DIAPH2: variants seen among roughly 807,000 people sequenced by gnomAD.
The protein encoded by DIAPH2 is protein diaphanous homolog 2.
In DIAPH2, 35 loss-of-function variants were observed where a neutral mutation model predicts 92.7. That is an observed-to-expected ratio of 0.38 (90% confidence interval 0.29 to 0.50). The LOEUF (loss-of-function observed/expected upper bound fraction) is 0.50, where lower values mean the gene tolerates loss of function less well. Among genes scored for constraint, DIAPH2 ranks in the 20% least tolerant of loss-of-function variants. The probability of loss-of-function intolerance (pLI) is 0.94; values close to 1 mark genes in which losing one functional copy is unlikely to be tolerated. For missense variants in DIAPH2, 701 were observed against 819.5 expected, an observed-to-expected ratio of 0.86 and a Z score of 1.77; for synonymous variants, 301 against 280.4, an observed-to-expected ratio of 1.07 and a Z score of -0.73.
intron 24 of DIAPH2, among the ~76,000 whole-genome samples, chrX:97,379,553 A>T (rs142398285): frequency 1.5e-3 from 171 of 112,339 alleles, no homozygotes; most frequent in Non-Finnish European, 2.6e-3. Flanking sequence ...AGATGAACTA[A>T]CTTGTTCAAG....
At chrX:97,385,921 T>G (rs191505747) in intron 25 of DIAPH2, among the ~76,000 whole-genome samples, 1 of 112,127 alleles carries the variant, frequency 8.9e-6, no homozygotes, top group Non-Finnish European at 1.9e-5. Context: ...ACAATGATAG[T>G]GAGAGGTAGA....
chrX:97,470,705 A>AC (rs2070555094), intron 26 of DIAPH2, among the ~76,000 whole-genome samples: 1 of 110,164 alleles, frequency 9.1e-6, no homozygotes, highest in African/African-American at 3.3e-5. Flanking sequence ...AAAAAAAAAA[A>AC]AACAACCACG....
rs1304408577 is a variant in DIAPH2 at position 97,599,972 on chromosome X, CT to C, written c.*657del. The C allele has an allele frequency of 1.8e-5, 2 of 112,582 alleles. No homozygotes were observed. The highest frequency in any genetic ancestry group is 3.8e-5 in the Non-Finnish European group (2 of 53,222). 9.3% of individuals were successfully genotyped at this position (112,582 alleles called of 1,213,427 possible). The stretch of plus-strand genomic sequence containing the variant: ...GCATTTCAGCATGATATTGCAAGCA[CT>C]TCTCATTGCTAAAAATAAATAAACC... On this transcript the variant is annotated 3_prime_UTR_variant, in exon 27 of 27. Transcript: ENST00000324765.
At chrX:97,545,981 CA>C (rs1302742290) in intron 26 of DIAPH2, among the ~76,000 whole-genome samples, 8 of 110,989 alleles carry the variant, frequency 7.2e-5, no homozygotes, top group Non-Finnish European at 1.1e-4. Context: ...TGGGGAAAAT[CA>C]ACTTTCATTC....
chrX:97,576,220 A>G (rs1327003288), intron 26 of DIAPH2, among the ~76,000 whole-genome samples: 1 of 111,490 alleles, frequency 9.0e-6, no homozygotes, highest in Non-Finnish European at 1.9e-5. Context: ...TGGCCCTCTG[A>G]CATCAAAAGG....
At chrX:97,568,145 G>A (rs1490347550) in intron 26 of DIAPH2, among the ~76,000 whole-genome samples, 1 of 102,603 alleles carries the variant, frequency 9.7e-6, no homozygotes, top group Non-Finnish European at 2.0e-5. Flanking sequence ...AAAAAGAGTG[G>A]TTGGAAATTT....
intron 24 of DIAPH2, among the ~76,000 whole-genome samples, chrX:97,367,702 CTT>C (rs200267248): frequency 1.3e-4 from 13 of 97,088 alleles, no homozygotes; most frequent in African/African-American, 7.4e-5. Flanking sequence ...GGTAAAATAT[CTT>C]TTTTTTTTTT....
chrX:97,046,253 G>A (rs899384245), intron 17 of DIAPH2, among the ~76,000 whole-genome samples: 1 of 109,386 alleles, frequency 9.1e-6, no homozygotes, highest in Non-Finnish European at 1.9e-5. Flanking sequence ...TGAAGTTGTA[G>A]GAGAGAGAGA....
chrX:97,203,655 A>C (rs1290668283), intron 22 of DIAPH2, among the ~76,000 whole-genome samples: 1 of 111,732 alleles, frequency 8.9e-6, no homozygotes, highest in Non-Finnish European at 1.9e-5. Context: ...ACCAATACCA[A>C]GTTCTGAAAT....
intron 19 of DIAPH2, among the ~76,000 whole-genome samples, chrX:97,090,028 C>T (rs996152564): frequency 1.8e-5 from 2 of 112,039 alleles, no homozygotes; most frequent in Admixed American, 9.5e-5. Context: ...GGGCCCAGCC[C>T]GAAAATAATC....
chrX:97,275,497 C>T (rs1161471205), intron 23 of DIAPH2, among the ~76,000 whole-genome samples: 5 of 100,204 alleles, frequency 5.0e-5, no homozygotes, highest in African/African-American at 1.1e-4. Flanking sequence ...GGCTGCCGGG[C>T]GGAGGGGCTC....
intron 4 of DIAPH2, among the ~76,000 whole-genome samples, chrX:96,841,047 A>G (rs2064933619): frequency 8.9e-6 from 1 of 111,875 alleles, no homozygotes; most frequent in Admixed American, 9.5e-5. Context: ...TCTTCTTTAA[A>G]TCTCTACCAT....
In DIAPH2 at chrX:96,937,292, C is replaced by T; in HGVS notation, c.1149C>T (p.Asn383=). Residue 383 remains asparagine (N), a synonymous_variant, in exon 11 of 27, where the codon AAC becomes AAT. Coordinates refer to ENST00000324765, the MANE Select transcript of DIAPH2 (RefSeq NM_006729.5). ...TTCAGTTGAAAGTATTTGATGAAAA[C>T]AAAGAAGATGACCTAACTGAATTAT... ...LDIQLKVFDE[N]KEDDLTELSH... 1 of 1,170,207 alleles carries T rather than the reference C, an allele frequency of 8.5e-7. No homozygotes were observed. The highest frequency in any genetic ancestry group is 1.2e-6 in the Non-Finnish European group (1 of 867,881).
At chrX:97,300,966 G>GAAAAAAAAAAAAAAAAAAAA (rs2068697171) in intron 23 of DIAPH2, among the ~76,000 whole-genome samples, 1 of 15,581 alleles carries the variant, frequency 6.4e-5, no homozygotes, top group Non-Finnish European at 1.2e-4. Context: ...AAAAAAAAAA[G>GAAAAAAAAAAAAAAAAAAAA]AAGAAGAAGA....
chrX:96,872,606 C>T (rs1198578312), intron 4 of DIAPH2, among the ~76,000 whole-genome samples: 1 of 108,305 alleles, frequency 9.2e-6, no homozygotes, highest in Non-Finnish European at 1.9e-5. Context: ...ATTCCCCTGC[C>T]TCAGCCTCCC....
chrX:97,040,729 GTAATAA>G (rs971313783), intron 17 of DIAPH2, among the ~76,000 whole-genome samples: 1 of 109,470 alleles, frequency 9.1e-6, no homozygotes, highest in African/African-American at 3.3e-5. Flanking sequence ...AAAAATAATA[GTAATAA>G]TAATAATAAA....
intron 22 of DIAPH2, among the ~76,000 whole-genome samples, chrX:97,213,852 A>T (rs1436721043): frequency 8.9e-6 from 1 of 112,204 alleles, no homozygotes; most frequent in Non-Finnish European, 1.9e-5. Flanking sequence ...CAGAAATCTG[A>T]AGAAGTAAAT....
rs914811466 is a variant in DIAPH2, at chrX:97,599,304, T to G, written c.3293T>G (p.Ile1098Ser). The change falls in exon 27 of 27, where the codon ATC becomes AGC. Residue 1098 changes from isoleucine to serine, a missense_variant. Ile to Ser is a moderately radical substitution (Grantham distance 142). This residue lies in a region of DIAPH2 where 536 missense variants were observed against 599.3 expected (regional missense o/e 0.89). Transcript: ENST00000324765. ...TCACGCTCTCGCCACAATGGAGCTATCTCATCTAAGTGATTCCTGATGCCA... is the reference window on the plus strand; with the variant it reads ...TCACGCTCTCGCCACAATGGAGCTAGCTCATCTAAGTGATTCCTGATGCCA... ...ERSRSRHNGAISSK is the reference protein window; with the variant it reads ...ERSRSRHNGASSSK 4.2e-5 allele frequency: 50 copies of G among 1,185,555 alleles called. No homozygotes were observed. The highest frequency in any genetic ancestry group is 5.6e-5 in the Non-Finnish European group (49 of 875,899).
chrX:97,099,164 T>G lies in DIAPH2; in HGVS notation c.2248-530T>G, dbSNP rs1343833832. Among the ~76,000 whole-genome samples the G allele has an allele frequency of 5.4e-5, 6 of 111,015 alleles. No individual in the cohort carries two copies. The East Asian group carries it at 1.7e-3, about 31-fold the overall frequency. The stretch of plus-strand genomic sequence containing the variant: ...AATTATTGTGACTGGAAATAAAGCT[T>G]AAAAATTATTCTAAACACGGTGAAA... On this transcript the variant is annotated intron_variant, in intron 19 of 26. Coordinates refer to ENST00000324765, the MANE Select transcript of DIAPH2 (RefSeq NM_006729.5).
Sources: gnomAD v4.1 joint callset for allele counts (sites outside exome capture counted in the v4.1 genomes callset) on GRCh38, gnomAD v4.1.1 for gene constraint, gnomAD v4.1.1 regional missense constraint, MANE v1.5 for transcripts, NCBI Gene and HGNC (gene_info 2026-07-23, HGNC 2026-07-21) for gene names.